Variants in RNPEP observed in about 807,000 individuals in gnomAD.
RNPEP encodes aminopeptidase B.
RNPEP carries 57 observed loss-of-function variants against 70.1 expected under a neutral mutation model. The observed-to-expected ratio is 0.81, with a 90% CI of 0.66 to 1.01. The LOEUF is 1.01. Ranked by LOEUF, RNPEP falls within the 50% of genes least tolerant of loss-of-function variation. The pLI, the probability that RNPEP is intolerant of heterozygous loss-of-function variation, is 0.00. For missense variants in RNPEP, 787 were observed against 852.4 expected (o/e 0.92, Z 0.96); for synonymous variants, 335 against 357.4 (o/e 0.94, Z 0.71).
At chr1:201,994,664 G>GCC in intron 3 of RNPEP, among the ~76,000 whole-genome samples, 1 of 147,130 alleles carries the variant, frequency 6.8e-6, no homozygotes, top group Non-Finnish European at 1.5e-5. Context: ...TTTGCCATCA[G>GCC]TCTCTTTTTT....
chr1:202,001,408 C>A lies in RNPEP; in HGVS notation c.1237C>A (p.Pro413Thr), dbSNP rs1314396171. 2 of 1,613,830 alleles carry A rather than the reference C, an allele frequency of 1.2e-6. No individual in the cohort carries two copies. The highest frequency in any genetic ancestry group is 4.5e-5 in the East Asian group (2 of 44,888). Residue 413 changes from proline to threonine, a missense_variant, in exon 7 of 11, where the codon CCC becomes ACC. Transcript: ENST00000295640. ...CCCGGACGACACCTATAATGAGACC[C>A]CCTACGAGAAAGGTTTCTGCTTTGT... The part of the protein sequence containing the change: ...VDPDDTYNET[P>T]YEKGFCFVSY...
chr1:201,994,469 T>C (rs1012882240), intron 3 of RNPEP, among the ~76,000 whole-genome samples: 4 of 152,098 alleles, frequency 2.6e-5, no homozygotes, highest in African/African-American at 9.7e-5. Flanking sequence ...TGTCCTCAAG[T>C]AATCCCAGAC....
In RNPEP at chr1:201,994,032, G is replaced by A. The variant is rs568377046; in HGVS notation, c.738-2115G>A. Among the ~76,000 whole-genome samples the A allele has an allele frequency of 5.1e-4, 77 of 151,346 alleles. 1 individual carries two copies. In the South Asian group the frequency reaches 0.015, roughly 29 times the overall value. ...CGGATAACATATGTGATGCTTTTTA[G>A]CCCTTGCCTTCATGTTCTGCTGTTT... On this transcript the variant is annotated intron_variant, in intron 3 of 10. Transcript: ENST00000295640.
Position 201,989,604 on chromosome 1 carries a change from G to A in RNPEP, c.737+73G>A, listed in dbSNP as rs1036483245. On this transcript the variant is annotated intron_variant, in intron 3 of 10. Coordinates refer to ENST00000295640, the MANE Select transcript of RNPEP (RefSeq NM_020216.4). ...GAGGAGGACTCTGACCAGTGGACCTGCTGGGGGGGTTCTTGGGCAGTCTTG... is the reference window on the plus strand; with the variant it reads ...GAGGAGGACTCTGACCAGTGGACCTACTGGGGGGGTTCTTGGGCAGTCTTG... 5.8e-6 allele frequency: 9 copies of A among 1,542,430 alleles called. No individual in the cohort carries two copies. The African/African-American group carries it at 1.1e-4, about 19-fold the overall frequency.
intron 3 of RNPEP, among the ~76,000 whole-genome samples, chr1:201,991,217 T>A (rs1433253044): frequency 1.3e-5 from 2 of 152,056 alleles, no homozygotes; most frequent in Non-Finnish European, 2.9e-5. Context: ...TGGGTTCAAG[T>A]GATTCTCCTG....
At chr1:201,997,086 G>A (rs1163749166) in intron 4 of RNPEP, among the ~76,000 whole-genome samples, 1 of 152,128 alleles carries the variant, frequency 6.6e-6, no homozygotes, top group African/African-American at 2.4e-5. Context: ...TGGAGAGTGA[G>A]CTCCAGGAGA....
chr1:201,984,682 T>C (rs896525991), intron 1 of RNPEP, among the ~76,000 whole-genome samples: 31 of 152,098 alleles, frequency 2.0e-4, no homozygotes, highest in African/African-American at 7.2e-4. Context: ...ATGGCTAATA[T>C]TTAATAAGAT....
chr1:201,990,028 A>G (rs1033001068), intron 3 of RNPEP, among the ~76,000 whole-genome samples: 1 of 152,110 alleles, frequency 6.6e-6, no homozygotes, highest in African/African-American at 2.4e-5. Context: ...TATTTTTCGT[A>G]GAGACGGGGT....
In RNPEP at chr1:202,002,716, T is replaced by G. The variant is rs548269893; in HGVS notation, c.1427-521T>G. Among the ~76,000 whole-genome samples the G allele has an allele frequency of 5.9e-5, 9 of 152,330 alleles. No homozygotes were observed. The East Asian group carries it at 1.5e-3, about 26-fold the overall frequency. ...CTAATGGTAGTTAATAATTCCAGAGTACTTACTATGCATCAGGCGATACGC... is the reference window on the plus strand; with the variant it reads ...CTAATGGTAGTTAATAATTCCAGAGGACTTACTATGCATCAGGCGATACGC... On this transcript the variant is annotated intron_variant, in intron 8 of 10. Transcript: ENST00000295640.
intron 10 of RNPEP, among the ~76,000 whole-genome samples, chr1:202,005,086 C>G (rs1304863463): frequency 1.3e-5 from 2 of 152,180 alleles, no homozygotes; most frequent in African/African-American, 2.4e-5. Flanking sequence ...TTCCTCAAGG[C>G]TCTGGATTTT....
intron 3 of RNPEP, among the ~76,000 whole-genome samples, chr1:201,993,631 C>T (rs1470217226): frequency 6.0e-5 from 9 of 149,550 alleles, no homozygotes; most frequent in Admixed American, 1.3e-4. Context: ...AAAACAAACT[C>T]GGCCAGGTGC....
chr1:201,989,287 T>C (rs1683238670), intron 2 of RNPEP, 96 bp from the exon 3 acceptor site: 1 of 1,431,898 alleles, frequency 7.0e-7, no homozygotes, highest in Non-Finnish European at 9.6e-7. Flanking sequence ...TCCAGGCCAT[T>C]ATCATCACAC....
intron 1 of RNPEP, among the ~76,000 whole-genome samples, chr1:201,986,124 C>G (rs1327146498): frequency 6.6e-6 from 1 of 152,188 alleles, no homozygotes; most frequent in African/African-American, 2.4e-5. Context: ...GAGATGAGGT[C>G]TCACTGTGTT....
rs566866412 is a variant in RNPEP at position 201,982,897 on chromosome 1, G to A, written c.231G>A (p.Glu77=). Residue 77 remains glutamate, a synonymous_variant, in exon 1 of 11, where the codon GAG becomes GAA. Coordinates refer to ENST00000295640, the MANE Select transcript of RNPEP (RefSeq NM_020216.4). ...GCCTGGAGCCCGAGGGCGCCGCCGA[G>A]CTGCGGCTGGACTCGCACCCGTGCC... ...LRCLEPEGAA[E]LRLDSHPCLE... is the part of the protein sequence containing the mutation. 7.0e-7 allele frequency: 1 copy of A among 1,433,354 alleles called. No individual in the cohort carries two copies. Among genetic ancestry groups the A allele is most frequent in the Non-Finnish European group, 9.1e-7 (1 of 1,099,982 alleles). 88.8% of individuals were successfully genotyped at this position (1,433,354 alleles called of 1,614,324 possible).
chr1:201,990,127 G>A (rs961975926), intron 3 of RNPEP, among the ~76,000 whole-genome samples: 2 of 152,204 alleles, frequency 1.3e-5, no homozygotes, highest in Non-Finnish European at 2.9e-5. Context: ...TTACAGGCAT[G>A]AGCCATCATG....
chr1:201,989,666 A>T (rs903146534), intron 3 of RNPEP, 135 bp downstream of exon 3: 1 of 834,258 alleles, frequency 1.2e-6, no homozygotes, highest in Non-Finnish European at 1.9e-6. Flanking sequence ...TCTGCAGCTC[A>T]TGCAGCATGA....
Position 201,982,677 on chromosome 1 carries a change from G to T in RNPEP, c.11G>T (p.Gly4Val). 1 of 1,380,776 alleles carries T rather than the reference G, an allele frequency of 7.2e-7. No individual in the cohort carries two copies. 85.5% of individuals were successfully genotyped at this position (1,380,776 alleles called of 1,614,324 possible). The part of the protein sequence containing the change: MAS[G>V]EHSPGSGAAR... ...AACGGCTCTGCGGCCATGGCGAGCG[G>T]CGAGCATTCCCCCGGCAGCGGCGCG... The change falls in exon 1 of 11, where the codon GGC becomes GTC. Residue 4 changes from glycine to valine, a missense_variant. Gly to Val is a moderately radical substitution (Grantham distance 109). Transcript: ENST00000295640.
intron 3 of RNPEP, 71 bp from the exon 4 acceptor site, chr1:201,996,076 G>C: frequency 8.0e-7 from 1 of 1,254,536 alleles, no homozygotes; most frequent in South Asian, 1.3e-5. Context: ...TTTCCTACAG[G>C]TGCTTTCAGG....
intron 1 of RNPEP, 91 bp downstream of exon 1, chr1:201,983,204 G>A (rs1683004630): frequency 7.2e-7 from 1 of 1,389,136 alleles, no homozygotes; most frequent in African/African-American, 2.1e-5. Context: ...CCCGGGAGGA[G>A]GGACAGGGAG....
Sources: gnomAD v4.1 joint callset for allele counts (sites outside exome capture counted in the v4.1 genomes callset) on GRCh38, gnomAD v4.1.1 for gene constraint, MANE v1.5 for transcripts, NCBI Gene and HGNC (gene_info 2026-07-23, HGNC 2026-07-21) for gene names.